The following ME1 variants were observed in gnomAD, a reference collection of about 807,000 sequenced individuals.
ME1 encodes the protein malic enzyme 1.
A neutral mutation model predicts 66.4 loss-of-function variants in ME1; 74 were observed. That is an observed-to-expected ratio of 1.11 (90% confidence interval 0.92 to 1.35). The LOEUF (loss-of-function observed/expected upper bound fraction) is 1.35, where lower values mean the gene tolerates loss of function less well. ME1 is among the 40% of genes most tolerant of loss of function. ME1 has a pLI of 0.00. For missense variants in ME1, 750 were observed against 694.1 expected (o/e 1.08, Z -0.90); for synonymous variants, 251 against 235.6 (o/e 1.07, Z -0.60).
chr6:83,376,722 G>C (rs1769298080), intron 3 of ME1, among the ~76,000 whole-genome samples: 1 of 148,450 alleles, frequency 6.7e-6, no homozygotes, highest in South Asian at 2.1e-4. Context: ...AGAATCACCT[G>C]AACATGGGAG....
intron 2 of ME1, among the ~76,000 whole-genome samples, chr6:83,400,945 T>C (rs1332714346): frequency 6.6e-6 from 1 of 152,202 alleles, no homozygotes; most frequent in Non-Finnish European, 1.5e-5. Flanking sequence ...GATTTCTTCA[T>C]GGCTAACTGC....
intron 1 of ME1, among the ~76,000 whole-genome samples, chr6:83,429,156 G>C (rs998417684): frequency 1.3e-5 from 2 of 152,096 alleles, no homozygotes; most frequent in Non-Finnish European, 2.9e-5. Flanking sequence ...TCAGCTACTC[G>C]GGAGGCTGAG....
At chr6:83,334,008 T>G (rs1325431455) in intron 5 of ME1, among the ~76,000 whole-genome samples, 1 of 151,730 alleles carries the variant, frequency 6.6e-6, no homozygotes, top group Non-Finnish European at 1.5e-5. Context: ...GCTCCCAGCG[T>G]GAGCGACGCA....
chr6:83,373,264 C>A (rs920463875), intron 3 of ME1, among the ~76,000 whole-genome samples: 1 of 151,708 alleles, frequency 6.6e-6, no homozygotes, highest in Non-Finnish European at 1.5e-5. Flanking sequence ...TCTGAAGAGT[C>A]TCACTTCATC....
intron 12 of ME1, 87 bp from the exon 13 acceptor site, chr6:83,216,683 T>C: frequency 1.3e-6 from 1 of 794,420 alleles, no homozygotes; most frequent in South Asian, 1.7e-5. Flanking sequence ...AACGGTTACA[T>C]ATAATGGTCT....
rs143979349 is a variant in ME1 at position 83,211,980 on chromosome 6, C to T, written c.1663G>A (p.Asp555Asn). The T allele has an allele frequency of 9.8e-5, 158 of 1,609,044 alleles. No homozygotes were observed. The highest frequency in any genetic ancestry group is 1.2e-4 in the Non-Finnish European group (147 of 1,177,180). The change falls in exon 14 of 14, where the codon GAT (aspartate) becomes AAT (asparagine). Residue 555 changes from aspartate (D) to asparagine (N), a missense_variant. Coordinates refer to ENST00000369705, the MANE Select transcript of ME1 (RefSeq NM_002395.6). ...YSTDYDQILPDCYSWPEEVQK... is the reference protein window; with the variant it reads ...YSTDYDQILPNCYSWPEEVQK... ...ACCTCTTCAGGCCAAGAATAACAATCAGGTAGAATCTGGTCATAATCAGTA... is the reference window on the plus strand; with the variant it reads ...ACCTCTTCAGGCCAAGAATAACAATTAGGTAGAATCTGGTCATAATCAGTA...
chr6:83,420,900 T>G (rs529129592), intron 1 of ME1, among the ~76,000 whole-genome samples: 11 of 152,190 alleles, frequency 7.2e-5, no homozygotes, highest in African/African-American at 1.4e-4. Context: ...TGTTGTTGTT[T>G]TTGTTTTTGT....
rs560177136 is a variant in ME1, at chr6:83,364,379, TTAA to T, written c.363-12243_363-12241del. On this transcript the variant is annotated intron_variant, in intron 3 of 13. Coordinates refer to ENST00000369705, the MANE Select transcript of ME1 (RefSeq NM_002395.6). ...ACCTTGTGATTGTGTGAGTTAATAC[TTAA>T]TAAACTCCCCTATATATATATATTC... Among the ~76,000 whole-genome samples the T allele has an allele frequency of 3.2e-4, 49 of 151,970 alleles. 1 individual carries two copies. The South Asian group carries it at 5.0e-3, about 16-fold the overall frequency.
intron 4 of ME1, among the ~76,000 whole-genome samples, chr6:83,348,101 C>T (rs116310137): frequency 8.8e-4 from 134 of 152,280 alleles, no homozygotes; most frequent in African/African-American, 3.1e-3. Context: ...CATTTTTGCA[C>T]ATTCAATACA....
At chr6:83,243,279 ATATATATATTTAAT>A in intron 7 of ME1, among the ~76,000 whole-genome samples, 1 of 144,542 alleles carries the variant, frequency 6.9e-6, no homozygotes, top group South Asian at 2.1e-4. Flanking sequence ...TCAAAATTAA[ATATATATATTTAAT>A]TATATATAAT....
chr6:83,352,961 A>G (rs1025046913), intron 3 of ME1, among the ~76,000 whole-genome samples: 11 of 152,084 alleles, frequency 7.2e-5, no homozygotes, highest in Non-Finnish European at 1.0e-4. Flanking sequence ...TTTTCTCCCA[A>G]AGACTCTTCC....
intron 1 of ME1, among the ~76,000 whole-genome samples, chr6:83,413,432 ATATTT>A (rs1461108899): frequency 2.0e-5 from 3 of 152,112 alleles, no homozygotes; most frequent in African/African-American, 7.2e-5. Context: ...TGAATTATAT[ATATTT>A]TATTAATGTG....
chr6:83,294,486 C>T (rs1189761313), intron 6 of ME1, among the ~76,000 whole-genome samples: 2 of 152,134 alleles, frequency 1.3e-5, no homozygotes, highest in South Asian at 4.1e-4. Context: ...AGCCCTCGAT[C>T]CCCTGCTCCC....
intron 10 of ME1, 59 bp from the exon 11 acceptor site, chr6:83,227,536 G>A (rs977634901): frequency 1.7e-5 from 23 of 1,375,394 alleles, no homozygotes; most frequent in Non-Finnish European, 1.8e-5. Flanking sequence ...CACACAAGAA[G>A]ACCATGCCTC....
At position 83,300,610 on chromosome 6, in the gene ME1, C is replaced by CTTTTTTTTTTTTT. The variant is rs35205380; in HGVS notation, c.704+14687_704+14699dup. ...TTCTTTTATTTTCCTTTCTTTCTTT[C>CTTTTTTTTTTTTT]TTTTTTTTTTTTTTTTTTTTTTTGA... On this transcript the variant is annotated intron_variant, in intron 6 of 13. Transcript: ENST00000369705. 6.3e-3 allele frequency among the ~76,000 whole-genome samples: 532 copies of CTTTTTTTTTTTTT among 84,864 alleles called. 3 individuals are homozygous for CTTTTTTTTTTTTT. The highest frequency in any genetic ancestry group is 0.011 in the Middle Eastern group (1 of 94). 55.7% of individuals were successfully genotyped at this position (84,864 alleles called of 152,430 possible).
chr6:83,290,912 C>G (rs1051348579), intron 6 of ME1, among the ~76,000 whole-genome samples: 3 of 152,062 alleles, frequency 2.0e-5, no homozygotes, highest in Admixed American at 6.6e-5. Flanking sequence ...GGTTTAAAGT[C>G]TGTTTTATCA....
intron 9 of ME1, among the ~76,000 whole-genome samples, chr6:83,234,216 T>G (rs1790354696): frequency 6.6e-6 from 1 of 152,132 alleles, no homozygotes; most frequent in South Asian, 2.1e-4. Flanking sequence ...GACAACAAAA[T>G]AAAACCACAT....
intron 3 of ME1, among the ~76,000 whole-genome samples, chr6:83,390,387 G>A (rs979865979): frequency 6.6e-6 from 1 of 151,986 alleles, no homozygotes; most frequent in African/African-American, 2.4e-5. Context: ...TAGTAGATAA[G>A]GTTTACTAGA....
chr6:83,305,932 C>T (rs1452247780), intron 6 of ME1, among the ~76,000 whole-genome samples: 1 of 152,118 alleles, frequency 6.6e-6, no homozygotes, highest in African/African-American at 2.4e-5. Flanking sequence ...CCCAAACCAG[C>T]CACATAGATG....
Sources: allele counts gnomAD v4.1 joint callset (sites outside exome capture counted in the v4.1 genomes callset), GRCh38; gene constraint gnomAD v4.1.1; transcripts MANE v1.5; gene names NCBI Gene and HGNC (gene_info 2026-07-23, HGNC 2026-07-21).